Variants in ITGB6 observed in about 807,000 individuals in gnomAD.
ITGB6 encodes the protein integrin subunit beta 6.
Under a neutral mutation model 84.5 loss-of-function variants are expected in ITGB6, and 80 were observed. The observed-to-expected ratio is 0.95, with a 90% CI of 0.79 to 1.14. The LOEUF (loss-of-function observed/expected upper bound fraction) is 1.14, where lower values mean the gene tolerates loss of function less well. Among genes scored for constraint, ITGB6 ranks in the 50% most tolerant of loss-of-function variants. The pLI, the probability that ITGB6 is intolerant of heterozygous loss-of-function variation, is 0.00. For missense variants in ITGB6, 1,006 were observed against 968.0 expected, an observed-to-expected ratio of 1.04 and a Z score of -0.52; for synonymous variants, 383 against 354.9, an observed-to-expected ratio of 1.08 and a Z score of -0.89.
intron 3 of ITGB6, 36 bp downstream of exon 3, chr2:160,196,180 A>T: frequency 6.5e-7 from 1 of 1,528,674 alleles, no homozygotes; most frequent in Non-Finnish European, 9.1e-7. Flanking sequence ...CATATATGAC[A>T]TTAGATCTAT....
intron 12 of ITGB6, among the ~76,000 whole-genome samples, chr2:160,119,088 G>A (rs62177891): frequency 0.37 from 56,204 of 152,026 alleles, 12,054 homozygotes; most frequent in Non-Finnish European, 0.49. Context: ...TGGCCATACT[G>A]TCCAAGGTAA....
intron 12 of ITGB6, among the ~76,000 whole-genome samples, chr2:160,118,853 C>T (rs1045400673): frequency 2.0e-5 from 3 of 152,126 alleles, no homozygotes; most frequent in African/African-American, 7.2e-5. Context: ...AAATCACAAG[C>T]ATTCTTATAC....
At chr2:160,123,536 G>C (rs1683120933) in intron 12 of ITGB6, among the ~76,000 whole-genome samples, 1 of 152,162 alleles carries the variant, frequency 6.6e-6, no homozygotes, top group Non-Finnish European at 1.5e-5. Flanking sequence ...AGTTGAATTT[G>C]TTAAGCAGAG....
chr2:160,150,477 C>T (rs1295284910), intron 7 of ITGB6, among the ~76,000 whole-genome samples: 1 of 152,198 alleles, frequency 6.6e-6, no homozygotes, highest in African/African-American at 2.4e-5. Flanking sequence ...TGGAAAGAAA[C>T]AACCGGTACT....
chr2:160,159,620 G>A (rs1684747453), intron 7 of ITGB6, among the ~76,000 whole-genome samples: 1 of 152,074 alleles, frequency 6.6e-6, no homozygotes, highest in African/African-American at 2.4e-5. Context: ...ACTCACTCCA[G>A]GCCAACTGGC....
At position 160,105,901 on chromosome 2, in the gene ITGB6, G is replaced by A. The variant is rs754337423; in HGVS notation, c.2268+1778C>T. Among the ~76,000 whole-genome samples the A allele has an allele frequency of 2.0e-4, 31 of 152,136 alleles. 1 individual carries two copies. The highest frequency in any genetic ancestry group is 9.8e-4 in the Admixed American group (15 of 15,286). ...GGATGAGTAAATTATATCTTCTCCT[G>A]AGGAATTTTGCTTAATTATGGAAAA... On this transcript the variant is annotated intron_variant, in intron 14 of 14. Transcript: ENST00000283249.
At chr2:160,157,110 A>G (rs1684653242) in intron 7 of ITGB6, among the ~76,000 whole-genome samples, 1 of 152,112 alleles carries the variant, frequency 6.6e-6, no homozygotes, top group Admixed American at 6.6e-5. Flanking sequence ...CCATTGTCAC[A>G]TGATGTTCTC....
intron 13 of ITGB6, among the ~76,000 whole-genome samples, chr2:160,111,389 C>T (rs1682505743): frequency 6.6e-6 from 1 of 152,012 alleles, no homozygotes; most frequent in Admixed American, 6.6e-5. Context: ...AGTAATTTCT[C>T]CTTATACAGC....
At chr2:160,143,124 C>A (rs1205137126) in intron 7 of ITGB6, among the ~76,000 whole-genome samples, 1 of 152,028 alleles carries the variant, frequency 6.6e-6, no homozygotes, top group Admixed American at 6.6e-5. Context: ...CCCGTCTCTA[C>A]TAAAAATACA....
chr2:160,185,782 C>A (rs1179837223), intron 4 of ITGB6, among the ~76,000 whole-genome samples: 1 of 152,096 alleles, frequency 6.6e-6, no homozygotes, highest in African/African-American at 2.4e-5. Flanking sequence ...ATATATAGAC[C>A]AATGGAACAG....
chr2:160,137,356 T>C, intron 10 of ITGB6, 78 bp downstream of exon 10: 2 of 1,354,910 alleles, frequency 1.5e-6, no homozygotes, highest in Non-Finnish European at 2.0e-6. Context: ...CCCAGGAAAC[T>C]GGAAGGTGCA....
chr2:160,137,774 C>T lies in ITGB6; in HGVS notation c.1320G>A (p.Leu440=). 6.2e-7 allele frequency: 1 copy of T among 1,614,170 alleles called. No individual in the cohort carries two copies. Among genetic ancestry groups the T allele is most frequent in the Admixed American group, 1.7e-5 (1 of 60,022 alleles). The change falls in exon 10 of 15, where the codon CTG becomes CTA. Residue 440 remains leucine, a synonymous_variant. Coordinates refer to ENST00000283249, the MANE Select transcript of ITGB6 (RefSeq NM_000888.5). The stretch of plus-strand genomic sequence containing the variant: ...TGACAAGTAATTCCAGGGCATCCCC[C>T]AGCCCCACAGGCTTTATGATAATGT... ...SRHIIIKPVG[L]GDALELLVSP... is the part of the protein sequence containing the mutation.
intron 11 of ITGB6, among the ~76,000 whole-genome samples, chr2:160,125,759 ATTTCATTAAGAAATTGTGAGG>A (rs1461596859): frequency 6.6e-6 from 1 of 152,162 alleles, no homozygotes; most frequent in Middle Eastern, 3.2e-3. Context: ...TGTGGCCCCA[ATTTCATTAAGAAATTGTGAGG>A]TTTCATTGTT....
In ITGB6 at chr2:160,200,160, A is replaced by C; in HGVS notation, c.-97T>G. On this transcript the variant is annotated 5_prime_UTR_variant, in exon 1 of 15. Coordinates refer to ENST00000283249, the MANE Select transcript of ITGB6 (RefSeq NM_000888.5). ...TATCGTTAAAGTCTTTCTTTCTTGA[A>C]GTATAACATTTTAAATACTACTTAC... 1.0e-6 allele frequency: 1 copy of C among 960,920 alleles called. No homozygotes were observed. Among genetic ancestry groups the C allele is most frequent in the Non-Finnish European group, 1.6e-6 (1 of 612,472 alleles). 59.5% of individuals were successfully genotyped at this position (960,920 alleles called of 1,614,324 possible). A position where few individuals can be genotyped will look rare whatever the true frequency, so the allele number is the denominator to read the frequency against.
intron 1 of ITGB6, 31 bp from the exon 2 acceptor site, chr2:160,199,289 T>G (rs771388164): frequency 1.0e-5 from 16 of 1,529,518 alleles, no homozygotes; most frequent in Non-Finnish European, 1.5e-5. Context: ...ATGCAGGGAT[T>G]AAGTACACTT....
At chr2:160,196,466 C>T in intron 2 of ITGB6, 46 bp from the exon 3 acceptor site, 1 of 1,500,944 alleles carries the variant, frequency 6.7e-7, no homozygotes, top group South Asian at 1.2e-5. Flanking sequence ...GAAAACAAAT[C>T]TGAATTTCTT....
At chr2:160,178,843 T>G (rs879886984) in intron 4 of ITGB6, 5 of 152,094 alleles carry the variant, frequency 3.3e-5, no homozygotes, top group Non-Finnish European at 7.3e-5. Context: ...ACTACAGGTA[T>G]GTACCACCAT....
At chr2:160,149,614 T>C (rs1684334482) in intron 7 of ITGB6, among the ~76,000 whole-genome samples, 1 of 152,162 alleles carries the variant, frequency 6.6e-6, no homozygotes, top group African/African-American at 2.4e-5. Context: ...CTTTGACAAG[T>C]TGACAGAAGT....
chr2:160,171,343 T>A (rs914860562), intron 6 of ITGB6, among the ~76,000 whole-genome samples: 9 of 149,540 alleles, frequency 6.0e-5, no homozygotes, highest in South Asian at 2.2e-4. Flanking sequence ...TTTTATTTTT[T>A]TTTTTTTTGG....
Sources: allele counts gnomAD v4.1 joint callset (sites outside exome capture counted in the v4.1 genomes callset), GRCh38; gene constraint gnomAD v4.1.1; transcripts MANE v1.5; gene names NCBI Gene and HGNC (gene_info 2026-07-23, HGNC 2026-07-21).